The following EVC2 variants were observed in gnomAD, a reference collection of about 807,000 sequenced individuals.
EVC2 encodes the protein EvC ciliary complex subunit 2, also known as limbin.
A neutral mutation model predicts 149.3 loss-of-function variants in EVC2; 148 were observed. The observed-to-expected ratio is 0.99, with a 90% CI of 0.87 to 1.14. The LOEUF (loss-of-function observed/expected upper bound fraction) is 1.14. Ranked by LOEUF, EVC2 falls within the 50% of genes most tolerant of loss-of-function variation. EVC2 has a pLI of 0.00. For synonymous variants in EVC2, 776 were observed against 649.9 expected (o/e 1.19, Z -2.95); for missense variants, 1,854 against 1,627.3 (o/e 1.14, Z -2.40).
intron 9 of EVC2, among the ~76,000 whole-genome samples, chr4:5,648,564 C>T (rs759162135): frequency 1.3e-5 from 2 of 152,234 alleles, no homozygotes; most frequent in South Asian, 4.2e-4. Context: ...GGTTGTTGTT[C>T]AGAGTTAAAG....
intron 9 of EVC2, among the ~76,000 whole-genome samples, 176 bp from the exon 10 acceptor site, chr4:5,641,014 T>G (rs1395291719): frequency 6.6e-6 from 1 of 152,202 alleles, no homozygotes; most frequent in Non-Finnish European, 1.5e-5. Flanking sequence ...ATTAGCTGAC[T>G]CTTACTTAGT....
At chr4:5,591,297 G>C (rs569493935) in intron 16 of EVC2, among the ~76,000 whole-genome samples, 1 of 152,126 alleles carries the variant, frequency 6.6e-6, no homozygotes, top group Non-Finnish European at 1.5e-5. Flanking sequence ...TTCCTAGCCC[G>C]TCAGAAGGGC....
In EVC2 at chr4:5,640,165, G is replaced by C. The variant is rs1272896115; in HGVS notation, c.1470+349C>G. On this transcript the variant is annotated intron_variant, in intron 10 of 21. Coordinates refer to ENST00000344408, the MANE Select transcript of EVC2 (RefSeq NM_147127.5). This position sits in a 1 kb window ranked among gnomAD's most constrained non-coding sequence, Gnocchi z 4.6. ...TGGATGGGTGATGGGTGGCATGGATGGGAGGGTGGATAAATGAGTAGGTGG... is the reference window on the plus strand; with the variant it reads ...TGGATGGGTGATGGGTGGCATGGATCGGAGGGTGGATAAATGAGTAGGTGG... 3.3e-5 allele frequency among the ~76,000 whole-genome samples: 5 copies of C among 152,094 alleles called. No homozygotes were observed. The highest frequency in any genetic ancestry group is 2.6e-4 in the Admixed American group (4 of 15,256).
chr4:5,621,227 A>G (rs1253815344), intron 14 of EVC2, among the ~76,000 whole-genome samples: 1 of 152,224 alleles, frequency 6.6e-6, no homozygotes, highest in Non-Finnish European at 1.5e-5. Flanking sequence ...GCAAGATTCT[A>G]GGAGATAACT....
chr4:5,654,544 T>C (rs777839385), intron 9 of EVC2, among the ~76,000 whole-genome samples: 1 of 152,168 alleles, frequency 6.6e-6, no homozygotes, highest in Non-Finnish European at 1.5e-5. Flanking sequence ...AAGGGTTTCC[T>C]CCAATCTTTG....
chr4:5,701,560 T>C (rs958917870), intron 1 of EVC2, among the ~76,000 whole-genome samples: 102 of 152,310 alleles, frequency 6.7e-4, no homozygotes, highest in African/African-American at 2.4e-3. Flanking sequence ...TCAAAAGTCC[T>C]GGGGTTGCTC....
rs111858429 is a variant in EVC2, at chr4:5,675,172, TTATG to T, written c.870+6084_870+6087del. Among the ~76,000 whole-genome samples, 1,093 of 152,346 alleles carry T rather than the reference TTATG, an allele frequency of 7.2e-3. 13 individuals are homozygous for T. The highest frequency in any genetic ancestry group is 0.025 in the African/African-American group (1,035 of 41,568). ...ATTAAAAACATTAATCTTTTGTCTC[TTATG>T]TATATTACAAATATTTCCCCAAGTT... is the stretch of plus-strand genomic sequence containing the variant. On this transcript the variant is annotated intron_variant, in intron 7 of 21. Transcript: ENST00000344408.
intron 16 of EVC2, among the ~76,000 whole-genome samples, chr4:5,605,228 T>C (rs780148967): frequency 6.6e-6 from 1 of 152,216 alleles, no homozygotes; most frequent in African/African-American, 2.4e-5. Context: ...GTTCTACTCA[T>C]GCACATCACG....
At chr4:5,577,931 C>G (rs1428731501) in intron 17 of EVC2, among the ~76,000 whole-genome samples, 1 of 152,146 alleles carries the variant, frequency 6.6e-6, no homozygotes, top group Non-Finnish European at 1.5e-5. Flanking sequence ...CCAGCCCCAG[C>G]CCACCTCAAG....
intron 16 of EVC2, among the ~76,000 whole-genome samples, chr4:5,587,906 C>T (rs78999604): frequency 5.9e-5 from 9 of 152,184 alleles, no homozygotes; most frequent in South Asian, 4.2e-4. Flanking sequence ...GGTGTGGCGC[C>T]GGGCTGTCTG....
At chr4:5,689,009 T>C (rs921595294) in intron 5 of EVC2, 148 bp downstream of exon 5, 3 of 842,190 alleles carry the variant, frequency 3.6e-6, no homozygotes, top group Non-Finnish European at 5.6e-6. Flanking sequence ...CTTTTTTTGA[T>C]ACCCTGATAG....
chr4:5,702,039 G>A (rs996553435), intron 1 of EVC2, among the ~76,000 whole-genome samples: 2 of 152,032 alleles, frequency 1.3e-5, no homozygotes, highest in Non-Finnish European at 2.9e-5. Context: ...CCCCTGCCAC[G>A]GGGGTGCCTG....
intron 4 of EVC2, 21 bp from the exon 5 acceptor site, chr4:5,689,364 A>T: frequency 6.2e-7 from 1 of 1,613,420 alleles, no homozygotes; most frequent in Non-Finnish European, 8.5e-7. Flanking sequence ...AGGAGAAGGC[A>T]TGAGGGCAGA....
intron 16 of EVC2, among the ~76,000 whole-genome samples, chr4:5,594,922 C>G (rs953825290): frequency 1.3e-5 from 2 of 152,144 alleles, no homozygotes; most frequent in African/African-American, 2.4e-5. Context: ...GAGAAGAATG[C>G]AGAAGCCTCC....
chr4:5,551,748 T>C (rs1210977367), intron 21 of EVC2, among the ~76,000 whole-genome samples: 1 of 152,160 alleles, frequency 6.6e-6, no homozygotes, highest in East Asian at 1.9e-4. Flanking sequence ...AATTCCCACG[T>C]GTTGTGGGAG....
chr4:5,563,265 G>T, intron 21 of EVC2, 150 bp from the exon 22 acceptor site: 1 of 773,390 alleles, frequency 1.3e-6, no homozygotes, highest in Non-Finnish European at 2.1e-6. Context: ...TTGGTCACCA[G>T]ATTGCTGTAA....
chr4:5,561,419 C>T (rs114090396), downstream of EVC2, among the ~76,000 whole-genome samples: 3 of 152,292 alleles, frequency 2.0e-5, no homozygotes, highest in South Asian at 2.1e-4. Flanking sequence ...GGAAAACTGG[C>T]GCCATCATCT....
intron 1 of EVC2, among the ~76,000 whole-genome samples, chr4:5,700,182 A>G (rs2151742343): frequency 6.6e-6 from 1 of 152,286 alleles, no homozygotes; most frequent in East Asian, 1.9e-4. Flanking sequence ...AATAGGGGAC[A>G]CTATGTATGT....
rs1721463954 is a variant in EVC2 at position 5,696,130 on chromosome 4, A to G, written c.283+1463T>C. On this transcript the variant is annotated intron_variant, in intron 2 of 21. Transcript: ENST00000344408. This position sits in a 1 kb window ranked among gnomAD's most constrained non-coding sequence, Gnocchi z 4.1. ...CATATGGGTGCAAGTGAGACCGGAC[A>G]TCCATCTCCGGACCCCAGCACAGCA... Among the ~76,000 whole-genome samples, 1 of 152,174 alleles carries G rather than the reference A, an allele frequency of 6.6e-6. No homozygotes were observed. Among genetic ancestry groups the G allele is most frequent in the Non-Finnish European group, 1.5e-5 (1 of 68,026 alleles).
Sources: gnomAD v4.1 joint callset for allele counts (sites outside exome capture counted in the v4.1 genomes callset) on GRCh38, gnomAD v4.1.1 for gene constraint, Gnocchi (gnomAD v3.1) non-coding constraint, MANE v1.5 for transcripts, NCBI Gene and HGNC (gene_info 2026-07-23, HGNC 2026-07-21) for gene names.